Variants in STAC3 observed in about 807,000 individuals in gnomAD.
STAC3 encodes the protein SH3 and cysteine rich domain 3.
STAC3 carries 30 observed loss-of-function variants against 48.5 expected under a neutral mutation model. The ratio of observed to expected loss-of-function variants is 0.62; its 90% CI spans 0.46 to 0.84. STAC3 has a LOEUF of 0.84. STAC3 is among the 40% of genes least tolerant of loss of function. STAC3 has a pLI of 0.00. For synonymous variants in STAC3, 144 were observed against 158.6 expected (o/e 0.91, Z 0.69); for missense variants, 419 against 462.6 (o/e 0.91, Z 0.86).
intron 5 of STAC3, 80 bp downstream of exon 5, chr12:57,248,046 A>G: frequency 7.8e-7 from 1 of 1,277,116 alleles, no homozygotes. Flanking sequence ...CTGTTTCAGA[A>G]TTTGGCTCCC....
intron 9 of STAC3, 21 bp from the exon 10 acceptor site, chr12:57,244,387 CCTCA>C (rs747673011): frequency 1.7e-5 from 28 of 1,613,942 alleles, no homozygotes; most frequent in African/African-American, 2.7e-5. Context: ...AAGGGAGGGG[CCTCA>C]CTCACATAGC....
chr12:57,246,105 A>ATC (rs1314703560), intron 6 of STAC3, among the ~76,000 whole-genome samples: 2 of 104,378 alleles, frequency 1.9e-5, no homozygotes, highest in Admixed American at 1.1e-4. Context: ...GCGAAACTCT[A>ATC]TCTCAAAAAA....
chr12:57,248,417 C>T, intron 4 of STAC3: 1 of 553,276 alleles, frequency 1.8e-6, no homozygotes, highest in Non-Finnish European at 3.2e-6. Flanking sequence ...CTCGCTCTGT[C>T]ACCCAGGCTG....
In STAC3 at chr12:57,245,216, A is replaced by T; in HGVS notation, c.604-5T>A. 6.2e-7 allele frequency: 1 copy of T among 1,613,778 alleles called. No individual in the cohort carries two copies. Among genetic ancestry groups the T allele is most frequent in the Non-Finnish European group, 8.5e-7 (1 of 1,179,932 alleles). The stretch of plus-strand genomic sequence containing the variant: ...CTCCATCATGGCTGCTACAGGCTGG[A>T]GGGGGCACCAGAGTTAGGGAGACGC... On this transcript the variant is annotated splice_region_variant and splice_polypyrimidine_tract_variant and intron_variant, in intron 6 of 11. Transcript: ENST00000332782.
At chr12:57,250,626 G>GAGA (rs2037879311) in intron 1 of STAC3, among the ~76,000 whole-genome samples, 1 of 152,132 alleles carries the variant, frequency 6.6e-6, no homozygotes, top group Non-Finnish European at 1.5e-5. Context: ...TCTTCAAGAG[G>GAGA]TTTAATGTGT....
chr12:57,244,995 G>A, intron 7 of STAC3, 30 bp from the exon 8 acceptor site: 1 of 1,613,506 alleles, frequency 6.2e-7, no homozygotes. Flanking sequence ...CAAATTGTCT[G>A]TCTCCTGGAG....
At position 57,244,537 on chromosome 12, in the gene STAC3, G is replaced by A. The variant is rs367590066; in HGVS notation, c.806C>T (p.Pro269Leu). The stretch of plus-strand genomic sequence containing the variant: ...AGCCCCCTGCCCCAAGGCCTCTCAC[G>A]GGAAATCCAGATCGTCCTTCTCCAG... Reference protein sequence around the residue: ...KALEKDDLDFPPGEKITVIDD... With the variant: ...KALEKDDLDFLPGEKITVIDD... The change falls in exon 9 of 12, where the codon CCG becomes CTG. Residue 269 changes from proline to leucine, a missense_variant and splice_region_variant. Pro to Leu is a moderately conservative substitution (Grantham distance 98). Transcript: ENST00000332782. The A allele has an allele frequency of 1.5e-5, 24 of 1,614,060 alleles. No homozygotes were observed. In the African/African-American group the frequency reaches 2.4e-4, roughly 16 times the overall value.
chr12:57,243,811 C>G lies in STAC3; in HGVS notation c.*1G>C. 1 of 1,613,918 alleles carries G rather than the reference C, an allele frequency of 6.2e-7. No individual in the cohort carries two copies. The highest frequency in any genetic ancestry group is 8.5e-7 in the Non-Finnish European group (1 of 1,179,962). On this transcript the variant is annotated 3_prime_UTR_variant, in exon 12 of 12. Transcript: ENST00000332782. Reference sequence around the variant, plus strand: ...TCTCCCGCTTGCAGGCGCCCGCACGCCTAAATTTCCTCTAGAAAGTCGGTG... The same window carrying G: ...TCTCCCGCTTGCAGGCGCCCGCACGGCTAAATTTCCTCTAGAAAGTCGGTG...
intron 6 of STAC3, among the ~76,000 whole-genome samples, chr12:57,246,534 C>G (rs1565781404): frequency 6.6e-6 from 1 of 151,994 alleles, no homozygotes; most frequent in Non-Finnish European, 1.5e-5. Context: ...CACCACCACA[C>G]CCGGATTTTT....
intron 6 of STAC3, among the ~76,000 whole-genome samples, chr12:57,246,390 CCTT>C (rs1163118116): frequency 2.5e-5 from 3 of 120,542 alleles, no homozygotes; most frequent in Admixed American, 9.2e-5. Flanking sequence ...TTCCTTCCTT[CCTT>C]TTTTTTTTTT....
Position 57,246,058 on chromosome 12 carries a change from G to A in STAC3, c.603+746C>T, listed in dbSNP as rs1193298971. Among the ~76,000 whole-genome samples, 5 of 143,232 alleles carry A rather than the reference G, an allele frequency of 3.5e-5. No individual in the cohort carries two copies. The Admixed American group carries it at 3.7e-4, about 10-fold the overall frequency. 94.0% of individuals were successfully genotyped at this position (143,232 alleles called of 152,430 possible). A position where few individuals can be genotyped will look rare whatever the true frequency, so the allele number is the denominator to read the frequency against. ...CGGGAGGCAGAGTTTGCGGTGAGCCGAGATCGTGCCATTGCACTCCAGCCT... is the reference window on the plus strand; with the variant it reads ...CGGGAGGCAGAGTTTGCGGTGAGCCAAGATCGTGCCATTGCACTCCAGCCT... On this transcript the variant is annotated intron_variant, in intron 6 of 11. Transcript: ENST00000332782.
chr12:57,247,685 A>T (rs2037785305), intron 5 of STAC3, among the ~76,000 whole-genome samples: 1 of 151,950 alleles, frequency 6.6e-6, no homozygotes, highest in South Asian at 2.1e-4. Context: ...GGCCTCCCAA[A>T]GTGCTGGGAT....
At chr12:57,245,054 A>C (rs2037701896) in intron 7 of STAC3, 89 bp from the exon 8 acceptor site, 1 of 1,602,676 alleles carries the variant, frequency 6.2e-7, no homozygotes, top group African/African-American at 1.3e-5. Flanking sequence ...CGTCTATCCA[A>C]AGCTGGCCTG....
In STAC3 at chr12:57,251,113, C is replaced by G. The variant is rs911073166; in HGVS notation, c.-122G>C. On this transcript the variant is annotated 5_prime_UTR_variant, in exon 1 of 12. Coordinates refer to ENST00000332782, the MANE Select transcript of STAC3 (RefSeq NM_145064.3). ...TGGGGGCTAAGCCCCCCCAGTACCC[C>G]CTGTGTTCACACCAGCTACCCAGTC... is the stretch of plus-strand genomic sequence containing the variant. 46 of 453,372 alleles carry G rather than the reference C, an allele frequency of 1.0e-4. No homozygotes were observed. Among genetic ancestry groups the G allele is most frequent in the Non-Finnish European group, 1.7e-4 (38 of 226,306 alleles). 28.1% of individuals were successfully genotyped at this position (453,372 alleles called of 1,614,324 possible).
chr12:57,245,244 T>G, intron 6 of STAC3, 33 bp from the exon 7 acceptor site: 1 of 1,599,510 alleles, frequency 6.3e-7, no homozygotes, highest in Non-Finnish European at 8.6e-7. Flanking sequence ...GGAGACGCTG[T>G]CTTGGGAACA....
In STAC3 at chr12:57,243,768, C is replaced by T; in HGVS notation, c.*44G>A. Reference sequence around the variant, plus strand: ...CTCCCCAAACTCCACTGGGCCCGCCCAGAATGGGGTGTGGGTGTCTCCCGC... The same window carrying T: ...CTCCCCAAACTCCACTGGGCCCGCCTAGAATGGGGTGTGGGTGTCTCCCGC... On this transcript the variant is annotated 3_prime_UTR_variant, in exon 12 of 12. Coordinates refer to ENST00000332782, the MANE Select transcript of STAC3 (RefSeq NM_145064.3). The T allele has an allele frequency of 1.3e-6, 2 of 1,580,760 alleles. No individual in the cohort carries two copies. The highest frequency in any genetic ancestry group is 1.7e-6 in the Non-Finnish European group (2 of 1,152,160).
Position 57,246,829 on chromosome 12 carries a change from T to C in STAC3, c.578A>G (p.Lys193Arg). 6.2e-7 allele frequency: 1 copy of C among 1,614,066 alleles called. No individual in the cohort carries two copies. Among genetic ancestry groups the C allele is most frequent in the Non-Finnish European group, 8.5e-7 (1 of 1,179,918 alleles). The change falls in exon 6 of 12, where the codon AAG becomes AGG. Residue 193 changes from lysine (K) to arginine (R), a missense_variant. Coordinates refer to ENST00000332782, the MANE Select transcript of STAC3 (RefSeq NM_145064.3). ...TGVIMANKER[K>R]KGQADKKNPV... Reference sequence around the variant, plus strand: ...ATTTTTCTTATCTGCCTGTCCCTTCTTCCGTTCCTTGTTTGCCATGATCAC... The same window carrying C: ...ATTTTTCTTATCTGCCTGTCCCTTCCTCCGTTCCTTGTTTGCCATGATCAC...
rs769473419 is a variant in STAC3, at chr12:57,249,305, G to A, written c.70C>T (p.Gln24Ter). ...FPAETRQSGLQRLKQLLRKGS... is the reference protein window; with the variant it reads ...FPAETRQSGL ...TTCCTGAGTAACTGCTTTAGCCGCT[G>A]TAGCTGAGGGAGGGAGTGAAGAAAA... is the stretch of plus-strand genomic sequence containing the variant. Residue 24 changes from glutamine to a stop codon, truncating the protein, a stop_gained, in exon 3 of 12, where the codon CAG (glutamine) becomes TAG (stop). Transcript: ENST00000332782. LOFTEE classifies it high-confidence loss of function. 3 of 1,580,442 alleles carry A rather than the reference G, an allele frequency of 1.9e-6. No individual in the cohort carries two copies. The highest frequency in any genetic ancestry group is 2.6e-6 in the Non-Finnish European group (3 of 1,162,486).
Position 57,251,045 on chromosome 12 carries a change from G to A in STAC3, c.-54C>T, listed in dbSNP as rs570184534. 16 of 416,392 alleles carry A rather than the reference G, an allele frequency of 3.8e-5. 2 individuals are homozygous for A. The East Asian group carries it at 1.0e-3, about 27-fold the overall frequency. 25.8% of individuals were successfully genotyped at this position (416,392 alleles called of 1,614,324 possible). ...GGCTGTAGAGGGAGCTGGGAGCCTC[G>A]AGGCCTTGATGGTGGTGCTGGGGAA... On this transcript the variant is annotated 5_prime_UTR_variant, in exon 1 of 12. Transcript: ENST00000332782.
Sources: allele counts gnomAD v4.1 joint callset (sites outside exome capture counted in the v4.1 genomes callset), GRCh38; gene constraint gnomAD v4.1.1; transcripts MANE v1.5; gene names NCBI Gene and HGNC (gene_info 2026-07-23, HGNC 2026-07-21).